The following SQLE variants were observed in gnomAD, a reference collection of about 807,000 sequenced individuals.
The protein encoded by SQLE is squalene monooxygenase.
Under a neutral mutation model 60.7 loss-of-function variants are expected in SQLE, and 29 were observed. The ratio of observed to expected loss-of-function variants is 0.48; its 90% CI spans 0.36 to 0.65. SQLE has a LOEUF of 0.65. SQLE is among the 30% of genes least tolerant of loss of function. The pLI is 0.00. For synonymous variants in SQLE, 237 were observed against 246.8 expected, an observed-to-expected ratio of 0.96 and a Z score of 0.37; for missense variants, 605 against 684.1, an observed-to-expected ratio of 0.88 and a Z score of 1.29.
Position 124,999,699 on chromosome 8 carries a change from G to C in SQLE, c.291+5G>C, listed in dbSNP as rs371137207. 1 of 1,569,284 alleles carries C rather than the reference G, an allele frequency of 6.4e-7. No homozygotes were observed. Among genetic ancestry groups the C allele is most frequent in the Non-Finnish European group, 8.6e-7 (1 of 1,158,556 alleles). On this transcript the variant is annotated splice_donor_5th_base_variant and intron_variant, in intron 1 of 10. Coordinates refer to ENST00000265896, the MANE Select transcript of SQLE (RefSeq NM_003129.4). Reference sequence around the variant, plus strand: ...GAGCAGCTCGAGGCCAGGAGGGTAGGTTGATTTCAAAGCGGGCAGATGAAT... The same window carrying C: ...GAGCAGCTCGAGGCCAGGAGGGTAGCTTGATTTCAAAGCGGGCAGATGAAT...
At position 124,998,880 on chromosome 8, in the gene SQLE, G is replaced by A. The variant is rs1454059396; in HGVS notation, c.-524G>A. 5.2e-6 allele frequency: 2 copies of A among 386,634 alleles called. No individual in the cohort carries two copies. Among genetic ancestry groups the A allele is most frequent in the African/African-American group, 4.2e-5 (2 of 48,040 alleles). 24.0% of individuals were successfully genotyped at this position (386,634 alleles called of 1,614,324 possible). On this transcript the variant is annotated 5_prime_UTR_variant, in exon 1 of 11. Transcript: ENST00000265896. ...AAAAAGAAGCCTCTGAACCCGCGCC[G>A]GCCCGCAGCCCCCGTGCCTTCCGGC...
chr8:125,001,329 A>AT (rs577949769), intron 1 of SQLE, among the ~76,000 whole-genome samples: 2 of 151,732 alleles, frequency 1.3e-5, no homozygotes, highest in Non-Finnish European at 2.9e-5. Flanking sequence ...CTTTCTCTTT[A>AT]TTTTTTTGTG....
chr8:125,000,198 T>C (rs1435902136), intron 1 of SQLE: 2 of 377,712 alleles, frequency 5.3e-6, no homozygotes, highest in Non-Finnish European at 1.0e-5. Context: ...CCCCCGAATA[T>C]TGGAGCATTG....
intron 3 of SQLE, among the ~76,000 whole-genome samples, chr8:125,006,021 T>C (rs185748507): frequency 6.6e-6 from 1 of 152,202 alleles, no homozygotes; most frequent in African/African-American, 2.4e-5. Flanking sequence ...TGTGCACATT[T>C]TGGAGTTTGA....
At chr8:125,009,512 C>T (rs1010134422) in intron 6 of SQLE, among the ~76,000 whole-genome samples, 169 bp downstream of exon 6, 7 of 151,964 alleles carry the variant, frequency 4.6e-5, no homozygotes, top group Non-Finnish European at 7.4e-5. Flanking sequence ...AAAAAAGTTT[C>T]GGGCCGGGCA....
chr8:125,010,762 TGTG>T (rs746821796), intron 6 of SQLE, among the ~76,000 whole-genome samples: 127 of 152,054 alleles, frequency 8.4e-4, no homozygotes, highest in South Asian at 2.1e-3. Flanking sequence ...TTATTGTAAA[TGTG>T]GTGGTTTTTC....
Position 125,016,673 on chromosome 8 carries a change from C to T in SQLE, c.1205-1386C>T, listed in dbSNP as rs1223979983. Among the ~76,000 whole-genome samples, 4 of 152,084 alleles carry T rather than the reference C, an allele frequency of 2.6e-5. No homozygotes were observed. Among genetic ancestry groups the T allele is most frequent in the African/African-American group, 4.8e-5 (2 of 41,398 alleles). ...TGGTTTTGATGACTGTGGATGTTCA[C>T]CAATGTCTGGGCATTGATGAGTTAG... On this transcript the variant is annotated intron_variant, in intron 7 of 10. Coordinates refer to ENST00000265896, the MANE Select transcript of SQLE (RefSeq NM_003129.4). This position sits in a 1 kb window ranked among gnomAD's most constrained non-coding sequence, Gnocchi z 4.1.
intron 1 of SQLE, among the ~76,000 whole-genome samples, chr8:125,000,930 C>G (rs1351571916): frequency 6.6e-6 from 1 of 152,160 alleles, no homozygotes; most frequent in East Asian, 1.9e-4. Flanking sequence ...TGCTTAATTT[C>G]TGTGAGAATC....
Position 124,999,546 on chromosome 8 carries a change from A to C in SQLE, c.143A>C (p.His48Pro), listed in dbSNP as rs1454209174. The change falls in exon 1 of 11, where the codon CAC becomes CCC. Residue 48 changes from histidine to proline, a missense_variant. Transcript: ENST00000265896. ...CTGGTGCTCTCCTACCGCTGTCGCC[A>C]CCGAAACGGGGGTCTCCTCGGGCGC... ...LGLVLSYRCR[H>P]RNGGLLGRQQ... is the part of the protein sequence containing the mutation. 1 of 1,613,142 alleles carries C rather than the reference A, an allele frequency of 6.2e-7. No homozygotes were observed. Among genetic ancestry groups the C allele is most frequent in the East Asian group, 2.2e-5 (1 of 44,830 alleles).
In SQLE at chr8:125,007,393, C is replaced by T. The variant is rs768197233; in HGVS notation, c.728C>T (p.Ala243Val). The change falls in exon 4 of 11, where the codon GCA becomes GTA. Residue 243 changes from alanine (A) to valine (V), a missense_variant and splice_region_variant. Ala to Val is a moderately conservative substitution (Grantham distance 64). Coordinates refer to ENST00000265896, the MANE Select transcript of SQLE (RefSeq NM_003129.4). The part of the protein sequence containing the change: ...LRKAAMAEPN[A>V]KFIEGVVLQL... ...ATGTATTTTTTTTTATTCTTTAGTG[C>T]AAAGTTTATTGAAGGTGTTGTGTTA... 3.9e-6 allele frequency: 6 copies of T among 1,538,272 alleles called. No homozygotes were observed. The South Asian group carries it at 7.4e-5, about 19-fold the overall frequency.
At position 125,022,026 on chromosome 8, in the gene SQLE, A is replaced by G. The variant is rs1023057352; in HGVS notation, c.*81A>G. ...ACTTTTGGAAGAGGATATATATAGC[A>G]TAGTACCATACCACTTATAAAGTGG... On this transcript the variant is annotated 3_prime_UTR_variant, in exon 11 of 11. Coordinates refer to ENST00000265896, the MANE Select transcript of SQLE (RefSeq NM_003129.4). 4.0e-6 allele frequency: 4 copies of G among 1,005,940 alleles called. No homozygotes were observed. The highest frequency in any genetic ancestry group is 5.4e-6 in the Non-Finnish European group (4 of 735,126). 62.3% of individuals were successfully genotyped at this position (1,005,940 alleles called of 1,614,324 possible).
At position 125,022,109 on chromosome 8, in the gene SQLE, T is replaced by C. The variant is rs1196710588; in HGVS notation, c.*164T>C. ...TTTTGAAGTTTTTTGTATATAAATA[T>C]GTAAATACATGCTTTAATTTGCAAT... is the stretch of plus-strand genomic sequence containing the variant. On this transcript the variant is annotated 3_prime_UTR_variant, in exon 11 of 11. Transcript: ENST00000265896. 9.6e-6 allele frequency: 4 copies of C among 416,054 alleles called. No individual in the cohort carries two copies. The highest frequency in any genetic ancestry group is 4.1e-5 in the African/African-American group (2 of 48,912). The allele number at this position is 416,054 out of a possible 1,614,324, so 25.8% of individuals were successfully genotyped here.
Position 125,009,268 on chromosome 8 carries a change from C to G in SQLE, c.1033C>G (p.Leu345Val), listed in dbSNP as rs1233578493. Residue 345 changes from leucine (L) to valine (V), a missense_variant, in exon 6 of 11, where the codon CTT becomes GTT. Transcript: ENST00000265896. ...GATTTCATCCAGTGAAACTCGAGTA[C>G]TTGTTGACATTAGAGGAGAAATGCC... Reference protein sequence around the residue: ...YQISSSETRVLVDIRGEMPRN... With the variant: ...YQISSSETRVVVDIRGEMPRN... The G allele has an allele frequency of 1.2e-6, 2 of 1,613,824 alleles. No individual in the cohort carries two copies. Among genetic ancestry groups the G allele is most frequent in the Non-Finnish European group, 1.7e-6 (2 of 1,179,868 alleles).
In SQLE at chr8:125,003,424, T is replaced by A; in HGVS notation, c.540T>A (p.Leu180=). The change falls in exon 2 of 11, where the codon CTT becomes CTA. Residue 180 remains leucine, a synonymous_variant. Coordinates refer to ENST00000265896, the MANE Select transcript of SQLE (RefSeq NM_003129.4). Reference sequence around the variant, plus strand: ...ATCATGTTCTCAAAGACCTTGGTCTTGGAGGTAGGTTCATATTGATTTTCA... The same window carrying A: ...ATCATGTTCTCAAAGACCTTGGTCTAGGAGGTAGGTTCATATTGATTTTCA... ...GGYHVLKDLG[L]GDTVEGLDAQ... 6.2e-7 allele frequency: 1 copy of A among 1,613,810 alleles called. No individual in the cohort carries two copies. Among genetic ancestry groups the A allele is most frequent in the Non-Finnish European group, 8.5e-7 (1 of 1,179,776 alleles).
intron 8 of SQLE, among the ~76,000 whole-genome samples, chr8:125,018,406 A>C (rs925547167): frequency 6.6e-6 from 1 of 152,164 alleles, no homozygotes; most frequent in East Asian, 1.9e-4. Flanking sequence ...GTAACACTTG[A>C]TTGCTATGGG....
At chr8:125,007,627 G>C (rs1814975616) in intron 4 of SQLE, 140 bp downstream of exon 4, 1 of 518,920 alleles carries the variant, frequency 1.9e-6, no homozygotes, top group Non-Finnish European at 3.3e-6. Flanking sequence ...AAGTGTTTCA[G>C]ATTTTTTATT....
Position 125,016,201 on chromosome 8 carries a change from C to T in SQLE, c.1205-1858C>T, listed in dbSNP as rs922566626. On this transcript the variant is annotated intron_variant, in intron 7 of 10. Transcript: ENST00000265896. The surrounding 1 kb of genome is among the most constrained non-coding windows in gnomAD (Gnocchi z 4.1). ...TTTTTCTTCAAATAAACTTTCTACCCTCATCTTTCTATCTCCTTTTAAAGG... is the reference window on the plus strand; with the variant it reads ...TTTTTCTTCAAATAAACTTTCTACCTTCATCTTTCTATCTCCTTTTAAAGG... Among the ~76,000 whole-genome samples, 2 of 123,908 alleles carry T rather than the reference C, an allele frequency of 1.6e-5. No homozygotes were observed. Among genetic ancestry groups the T allele is most frequent in the African/African-American group, 8.1e-5 (2 of 24,620 alleles). The allele number at this position is 123,908 out of a possible 152,430, so 81.3% of individuals were successfully genotyped here. A position where few individuals can be genotyped will look rare whatever the true frequency, so the allele number is the denominator to read the frequency against.
At chr8:125,005,793 A>G (rs1588112651) in intron 3 of SQLE, 88 bp downstream of exon 3, 1 of 1,223,692 alleles carries the variant, frequency 8.2e-7, no homozygotes, top group Non-Finnish European at 1.1e-6. Context: ...ATAAATTTTA[A>G]TGAATTTTTG....
chr8:125,013,477 C>T lies in SQLE; in HGVS notation c.1204+1845C>T, dbSNP rs535783960. Among the ~76,000 whole-genome samples, 30 of 151,792 alleles carry T rather than the reference C, an allele frequency of 2.0e-4. No individual in the cohort carries two copies. In the South Asian group the frequency reaches 5.2e-3, roughly 26 times the overall value. On this transcript the variant is annotated intron_variant, in intron 7 of 10. Transcript: ENST00000265896. ...AAGCAATTCTCCTGCCTCAGCCTCC[C>T]GAGTAGCTGGGATTATAGGTGCTCG...
Sources: allele counts gnomAD v4.1 joint callset (sites outside exome capture counted in the v4.1 genomes callset), GRCh38; gene constraint gnomAD v4.1.1; non-coding constraint Gnocchi (gnomAD v3.1); transcripts MANE v1.5; gene names NCBI Gene and HGNC (gene_info 2026-07-23, HGNC 2026-07-21).